The following TMEM45B variants were observed in gnomAD, a reference collection of about 807,000 sequenced individuals.
The protein encoded by TMEM45B is transmembrane protein 45B.
A neutral mutation model predicts 27.3 loss-of-function variants in TMEM45B; 29 were observed. The observed-to-expected ratio is 1.06, with a 90% CI of 0.79 to 1.45. The LOEUF (loss-of-function observed/expected upper bound fraction) is 1.45. Ranked by LOEUF, TMEM45B falls within the 40% of genes most tolerant of loss-of-function variation. TMEM45B has a pLI of 0.00. For synonymous variants in TMEM45B, 143 were observed against 134.7 expected (o/e 1.06, Z -0.43); for missense variants, 348 against 343.9 (o/e 1.01, Z -0.09).
At chr11:129,823,979 C>A (rs1459600849) in intron 1 of TMEM45B, among the ~76,000 whole-genome samples, 1 of 152,158 alleles carries the variant, frequency 6.6e-6, no homozygotes, top group Non-Finnish European at 1.5e-5. Context: ...TGCCTCCTCC[C>A]CTACATTGAT....
intron 1 of TMEM45B, among the ~76,000 whole-genome samples, chr11:129,849,768 G>A (rs956467472): frequency 2.0e-5 from 3 of 152,166 alleles, no homozygotes; most frequent in Non-Finnish European, 1.5e-5. Context: ...GAGACCTGAG[G>A]TGGCCCTAGG....
intron 1 of TMEM45B, among the ~76,000 whole-genome samples, chr11:129,836,072 C>T (rs570113334): frequency 3.0e-4 from 45 of 152,002 alleles, no homozygotes; most frequent in African/African-American, 9.6e-4. Flanking sequence ...GAGCCAAAAC[C>T]GCGCCATTGC....
Position 129,859,402 on chromosome 11 carries a change from T to C in TMEM45B, c.*717T>C, listed in dbSNP as rs1947977926. The stretch of plus-strand genomic sequence containing the variant: ...CTAAAAGAAGATCTGACAGGAAAGC[T>C]GTATAATGAGATAGAAAAACGTCAG... On this transcript the variant is annotated 3_prime_UTR_variant, in exon 6 of 6. Coordinates refer to ENST00000281441, the MANE Select transcript of TMEM45B (RefSeq NM_138788.5). 6.6e-6 allele frequency: 1 copy of C among 152,176 alleles called. No homozygotes were observed. Among genetic ancestry groups the C allele is most frequent in the South Asian group, 2.1e-4 (1 of 4,826 alleles). The allele number at this position is 152,176 out of a possible 1,614,324, so 9.4% of individuals were successfully genotyped here.
At chr11:129,849,797 C>T (rs553856392) in intron 1 of TMEM45B, among the ~76,000 whole-genome samples, 1 of 152,278 alleles carries the variant, frequency 6.6e-6, no homozygotes, top group Admixed American at 6.5e-5. Flanking sequence ...TCTGAGACCC[C>T]GCAGGCGCCT....
At chr11:129,854,942 A>G in intron 3 of TMEM45B, 126 bp downstream of exon 3, 2 of 1,133,582 alleles carry the variant, frequency 1.8e-6, no homozygotes, top group Non-Finnish European at 2.5e-6. Context: ...ACATCTCTGG[A>G]CTGCCAAAAC....
At chr11:129,833,833 T>C (rs486434) in intron 1 of TMEM45B, among the ~76,000 whole-genome samples, 135,904 of 152,246 alleles carry the variant, frequency 0.89, 61,073 homozygotes, top group East Asian at 1. Context: ...TTTGAAGAAA[T>C]AGGGCAAAGG....
chr11:129,847,853 A>T (rs1947784963), intron 1 of TMEM45B, among the ~76,000 whole-genome samples: 1 of 151,942 alleles, frequency 6.6e-6, no homozygotes, highest in East Asian at 1.9e-4. Context: ...TTTCTATTCC[A>T]CAAAACCGCC....
At chr11:129,844,085 G>A (rs1947728999) in intron 1 of TMEM45B, among the ~76,000 whole-genome samples, 1 of 151,738 alleles carries the variant, frequency 6.6e-6, no homozygotes, top group South Asian at 2.1e-4. Flanking sequence ...AAAATGTGGT[G>A]TATATATATA....
chr11:129,835,409 A>C (rs770456562), intron 1 of TMEM45B, among the ~76,000 whole-genome samples: 11 of 152,168 alleles, frequency 7.2e-5, no homozygotes, highest in Non-Finnish European at 4.4e-5. Flanking sequence ...TGTGGATTGC[A>C]TAGGAGGCCA....
At position 129,859,462 on chromosome 11, in the gene TMEM45B, G is replaced by C. The variant is rs939924722; in HGVS notation, c.*777G>C. The C allele has an allele frequency of 1.3e-5, 2 of 152,178 alleles. No individual in the cohort carries two copies. Among genetic ancestry groups the C allele is most frequent in the African/African-American group, 4.8e-5 (2 of 41,436 alleles). 9.4% of individuals were successfully genotyped at this position (152,178 alleles called of 1,614,324 possible). A position where few individuals can be genotyped will look rare whatever the true frequency, so the allele number is the denominator to read the frequency against. Reference sequence around the variant, plus strand: ...GCTTTCAGTTTTAATATGGCTGAAAGCAAAGGATAACGAATTCAGAATTAG... The same window carrying C: ...GCTTTCAGTTTTAATATGGCTGAAACCAAAGGATAACGAATTCAGAATTAG... On this transcript the variant is annotated 3_prime_UTR_variant, in exon 6 of 6. Coordinates refer to ENST00000281441, the MANE Select transcript of TMEM45B (RefSeq NM_138788.5).
In TMEM45B at chr11:129,859,234, T is replaced by C. The variant is rs559800177; in HGVS notation, c.*549T>C. 1 of 152,372 alleles carries C rather than the reference T, an allele frequency of 6.6e-6. No individual in the cohort carries two copies. The highest frequency in any genetic ancestry group is 1.5e-5 in the Non-Finnish European group (1 of 68,074). 9.4% of individuals were successfully genotyped at this position (152,372 alleles called of 1,614,324 possible). A position where few individuals can be genotyped will look rare whatever the true frequency, so the allele number is the denominator to read the frequency against. The stretch of plus-strand genomic sequence containing the variant: ...TTTAAAATTATTGTTAAACATATCA[T>C]AACTAATCATACCAGGGTACTGCAA... On this transcript the variant is annotated 3_prime_UTR_variant, in exon 6 of 6. Coordinates refer to ENST00000281441, the MANE Select transcript of TMEM45B (RefSeq NM_138788.5).
intron 4 of TMEM45B, among the ~76,000 whole-genome samples, chr11:129,856,585 A>G (rs1410290009): frequency 2.5e-5 from 3 of 117,974 alleles, no homozygotes; most frequent in South Asian, 2.7e-4. Flanking sequence ...TCTGAGACAG[A>G]GTCTCGCTTT....
intron 1 of TMEM45B, among the ~76,000 whole-genome samples, chr11:129,833,729 T>A (rs1238313832): frequency 1.3e-5 from 2 of 152,046 alleles, no homozygotes; most frequent in Non-Finnish European, 2.9e-5. Flanking sequence ...GAGCCGAGAT[T>A]GTGCCACTGC....
rs1192996579 is a variant in TMEM45B at position 129,841,584 on chromosome 11, G to GTTTTTTTT, written c.-8-10884_-8-10883insTTTTTTTT. Among the ~76,000 whole-genome samples the GTTTTTTTT allele has an allele frequency of 3.9e-5, 4 of 102,576 alleles. 1 individual carries two copies. Among genetic ancestry groups the GTTTTTTTT allele is most frequent in the Non-Finnish European group, 8.3e-5 (4 of 48,248 alleles). The allele number at this position is 102,576 out of a possible 152,430, so 67.3% of individuals were successfully genotyped here. A position where few individuals can be genotyped will look rare whatever the true frequency, so the allele number is the denominator to read the frequency against. On this transcript the variant is annotated intron_variant, in intron 1 of 5. Transcript: ENST00000281441. ...TGTAATGGGCTTGAAGTTTTCTTTT[G>GTTTTTTTT]TTTTTTTGTTTTTTTTTTTTTTTTG... is the stretch of plus-strand genomic sequence containing the variant.
intron 1 of TMEM45B, among the ~76,000 whole-genome samples, chr11:129,849,229 T>A (rs1004213336): frequency 6.6e-6 from 1 of 152,212 alleles, no homozygotes; most frequent in Admixed American, 6.5e-5. Flanking sequence ...GCTGTGAGCC[T>A]GTGAATTCAA....
At position 129,858,561 on chromosome 11, in the gene TMEM45B, T is replaced by C. The variant is rs1467286052; in HGVS notation, c.717-13T>C. On this transcript the variant is annotated splice_polypyrimidine_tract_variant and intron_variant, in intron 5 of 5. Coordinates refer to ENST00000281441, the MANE Select transcript of TMEM45B (RefSeq NM_138788.5). ...TCTCTGGCTAATTGGCTCTTACTCT[T>C]TCTCTATTAAAGCCTTTTGACTCGG... 7 of 1,568,062 alleles carry C rather than the reference T, an allele frequency of 4.5e-6. No homozygotes were observed. Among genetic ancestry groups the C allele is most frequent in the Admixed American group, 1.9e-5 (1 of 53,198 alleles).
chr11:129,838,762 G>A (rs2135576830), intron 1 of TMEM45B, among the ~76,000 whole-genome samples: 1 of 152,324 alleles, frequency 6.6e-6, no homozygotes, highest in African/African-American at 2.4e-5. Flanking sequence ...CGTAATGTTA[G>A]AGAGTGCTGG....
At chr11:129,827,577 G>A (rs1246906129) in intron 1 of TMEM45B, among the ~76,000 whole-genome samples, 1 of 152,120 alleles carries the variant, frequency 6.6e-6, no homozygotes, top group Non-Finnish European at 1.5e-5. Flanking sequence ...GCGGAGGCAG[G>A]CAGATCACGT....
At chr11:129,858,029 T>C (rs530662721) in intron 5 of TMEM45B, among the ~76,000 whole-genome samples, 1 of 151,676 alleles carries the variant, frequency 6.6e-6, no homozygotes, top group African/African-American at 2.4e-5. Context: ...TGCACTGTTA[T>C]TTTTTACAGG....
Sources: allele counts gnomAD v4.1 joint callset (sites outside exome capture counted in the v4.1 genomes callset), GRCh38; gene constraint gnomAD v4.1.1; transcripts MANE v1.5; gene names NCBI Gene and HGNC (gene_info 2026-07-23, HGNC 2026-07-21).